NBPF15: variants seen among roughly 807,000 people sequenced by gnomAD.
NBPF15 encodes NBPF family member NBPF15.
NBPF15 carries 74 observed loss-of-function variants against 62.2 expected under a neutral mutation model. That is an observed-to-expected ratio of 1.19 (90% confidence interval 0.99 to 1.44). NBPF15 has a LOEUF of 1.44. Among genes scored for constraint, NBPF15 ranks in the 40% most tolerant of loss-of-function variants. The probability of loss-of-function intolerance (pLI) is 0.00; values close to 1 mark genes in which losing one functional copy is unlikely to be tolerated. For missense variants in NBPF15, 790 were observed against 550.0 expected (o/e 1.44, Z -4.36); for synonymous variants, 244 against 209.7 (o/e 1.16, Z -1.41).
In NBPF15 at chr1:144,461,327, A is replaced by G. The variant is rs61812047; in HGVS notation, c.-938+54T>C. The G allele has an allele frequency of 9.3e-4, 140 of 151,112 alleles. 4 individuals are homozygous for G. In the East Asian group the frequency reaches 0.011, roughly 12 times the overall value. 9.4% of individuals were successfully genotyped at this position (151,112 alleles called of 1,614,324 possible). On this transcript the variant is annotated intron_variant, in intron 1 of 21. Coordinates refer to ENST00000581897, the MANE Select transcript of NBPF15 (RefSeq NM_001385408.1). ...CTCGCCCTCCGTCGCTCGCAACAAA[A>G]CTTGCGACAGCCGCAGCTCGACCCA...
chr1:144,443,908 A>G (rs1479053025), intron 6 of NBPF15, among the ~76,000 whole-genome samples: 1 of 150,760 alleles, frequency 6.6e-6, no homozygotes, highest in Admixed American at 6.6e-5. Flanking sequence ...TTTGCAGTTC[A>G]TCAGCCTTTC....
At chr1:144,424,208 A>G (rs1158446960) in intron 20 of NBPF15, among the ~76,000 whole-genome samples, 1 of 152,050 alleles carries the variant, frequency 6.6e-6, no homozygotes, top group Non-Finnish European at 1.5e-5. Context: ...TCCCAATAAC[A>G]TTTGTCCCAA....
rs1653199743 is a variant in NBPF15 at position 144,461,639 on chromosome 1, C to T, written c.-1196G>A. On this transcript the variant is annotated 5_prime_UTR_variant, in exon 1 of 22. Coordinates refer to ENST00000581897, the MANE Select transcript of NBPF15 (RefSeq NM_001385408.1). The stretch of plus-strand genomic sequence containing the variant: ...CCATAGCCTGCGCCAGCTGGCTCCT[C>T]AGGGTCCCGCCCGGCGCGTCAGGAG... 1 of 152,456 alleles carries T rather than the reference C, an allele frequency of 6.6e-6. No homozygotes were observed. The highest frequency in any genetic ancestry group is 2.4e-5 in the African/African-American group (1 of 41,428). 9.4% of individuals were successfully genotyped at this position (152,456 alleles called of 1,614,324 possible).
chr1:144,428,571 C>T, intron 15 of NBPF15, 35 bp downstream of exon 15: 2 of 770,440 alleles, frequency 2.6e-6, no homozygotes, highest in Admixed American at 3.4e-5. Flanking sequence ...CAGGTGTCAA[C>T]ATCAAATTAA....
intron 13 of NBPF15, among the ~76,000 whole-genome samples, chr1:144,431,916 A>G (rs1674641476): frequency 6.8e-6 from 1 of 147,718 alleles, no homozygotes; most frequent in African/African-American, 2.5e-5. Flanking sequence ...GCTTGGTTCC[A>G]AGTCTTTGCT....
At position 144,442,172 on chromosome 1, in the gene NBPF15, AT is replaced by A. The variant is rs1473171522; in HGVS notation, c.-190-1878del. Among the ~76,000 whole-genome samples, 250 of 110,292 alleles carry A rather than the reference AT, an allele frequency of 2.3e-3. 21 individuals are homozygous for A. The highest frequency in any genetic ancestry group is 8.7e-3 in the African/African-American group (232 of 26,732). 72.4% of individuals were successfully genotyped at this position (110,292 alleles called of 152,430 possible). A position where few individuals can be genotyped will look rare whatever the true frequency, so the allele number is the denominator to read the frequency against. On this transcript the variant is annotated intron_variant, in intron 6 of 21. Coordinates refer to ENST00000581897, the MANE Select transcript of NBPF15 (RefSeq NM_001385408.1). The stretch of plus-strand genomic sequence containing the variant: ...AATATATATACACGTGTATATATAT[AT>A]ATATATAATATATATACACGTGTAT...
At chr1:144,429,266 A>C (rs1287720933) in intron 14 of NBPF15, among the ~76,000 whole-genome samples, 1 of 143,040 alleles carries the variant, frequency 7.0e-6, no homozygotes, top group Non-Finnish European at 1.5e-5. Context: ...TTCACTGAGA[A>C]GTAGACAAGG....
At chr1:144,442,456 C>G (rs868938820) in intron 6 of NBPF15, 1 of 146,762 alleles carries the variant, frequency 6.8e-6, no homozygotes, top group African/African-American at 2.5e-5. Context: ...AGTGGCGGAG[C>G]GAGGGCTACT....
intron 6 of NBPF15, among the ~76,000 whole-genome samples, chr1:144,447,532 G>C (rs1286524654): frequency 5.9e-5 from 9 of 151,858 alleles, no homozygotes; most frequent in Non-Finnish European, 1.3e-4. Context: ...AGGGGAGCCA[G>C]GGATGCATTC....
intron 4 of NBPF15, among the ~76,000 whole-genome samples, chr1:144,452,410 A>G (rs1244712695): frequency 1.3e-5 from 2 of 151,796 alleles, no homozygotes; most frequent in African/African-American, 4.9e-5. Flanking sequence ...AAACGAACAC[A>G]ATAGTCCACT....
intron 19 of NBPF15, among the ~76,000 whole-genome samples, chr1:144,425,115 CACAG>C (rs1166953157): frequency 9.5e-5 from 14 of 147,444 alleles, no homozygotes; most frequent in South Asian, 2.2e-4. Context: ...GACACACACA[CACAG>C]AGAGAGAGAA....
intron 4 of NBPF15, among the ~76,000 whole-genome samples, chr1:144,451,812 T>C (rs1691353569): frequency 6.6e-6 from 1 of 151,316 alleles, no homozygotes; most frequent in African/African-American, 2.5e-5. Flanking sequence ...CTCTTATGTC[T>C]ACTTCTTCCT....
intron 3 of NBPF15, among the ~76,000 whole-genome samples, chr1:144,458,822 T>C (rs1244584620): frequency 6.6e-6 from 1 of 151,716 alleles, no homozygotes; most frequent in Non-Finnish European, 1.5e-5. Context: ...GGAAGATTAC[T>C]TGAGCCCAAG....
intron 13 of NBPF15, among the ~76,000 whole-genome samples, chr1:144,432,117 A>G (rs369055459): frequency 6.6e-6 from 1 of 152,084 alleles, no homozygotes; most frequent in Non-Finnish European, 1.5e-5. Flanking sequence ...CAACAGTGTA[A>G]AAGTGTTCCT....
intron 19 of NBPF15, among the ~76,000 whole-genome samples, chr1:144,425,141 A>T: frequency 6.9e-6 from 1 of 144,870 alleles, no homozygotes; most frequent in Non-Finnish European, 1.5e-5. Context: ...GAGCTCAGTG[A>T]ATTGTCCAGG....
At chr1:144,428,052 C>G in intron 15 of NBPF15, 62 bp from the exon 16 acceptor site, 1 of 786,854 alleles carries the variant, frequency 1.3e-6, no homozygotes, top group Non-Finnish European at 2.3e-6. Flanking sequence ...ACAGTCCCAG[C>G]TAGATTTCAT....
Position 144,436,917 on chromosome 1 carries a change from G to T in NBPF15, c.471C>A (p.His157Gln), listed in dbSNP as rs1263748456. Residue 157 changes from histidine to glutamine, a missense_variant, in exon 10 of 22, where the codon CAC (histidine) becomes CAA (glutamine). His to Gln is a conservative substitution (Grantham distance 24). Coordinates refer to ENST00000581897, the MANE Select transcript of NBPF15 (RefSeq NM_001385408.1). ...QLAEGCRLTQHLVQKLSPEND... is the reference protein window; with the variant it reads ...QLAEGCRLTQQLVQKLSPEND... ...TACCTGGGCTGAGCTTTTGGACAAG[G>T]TGCTGTGTCAGTCTACACCCCTCAG... 3.7e-6 allele frequency: 6 copies of T among 1,612,136 alleles called. No individual in the cohort carries two copies. The highest frequency in any genetic ancestry group is 2.7e-5 in the African/African-American group (2 of 74,912).
At position 144,429,002 on chromosome 1, in the gene NBPF15, T is replaced by C. The variant is rs1448712221; in HGVS notation, c.989-345A>G. 2.6e-3 allele frequency among the ~76,000 whole-genome samples: 402 copies of C among 151,844 alleles called. 2 individuals carry two copies. The highest frequency in any genetic ancestry group is 9.4e-3 in the African/African-American group (387 of 41,176). ...ACTTCAATATTAAGCTTTCTCTCATTAAATACCCAGAATTTGATAGTTTAT... is the reference window on the plus strand; with the variant it reads ...ACTTCAATATTAAGCTTTCTCTCATCAAATACCCAGAATTTGATAGTTTAT... On this transcript the variant is annotated intron_variant, in intron 14 of 21. Coordinates refer to ENST00000581897, the MANE Select transcript of NBPF15 (RefSeq NM_001385408.1).
chr1:144,428,230 T>C (rs1553539695), intron 15 of NBPF15, among the ~76,000 whole-genome samples: 1 of 151,086 alleles, frequency 6.6e-6, no homozygotes, highest in African/African-American at 2.4e-5. Context: ...GCTCAGTGAA[T>C]TGGTCAGGTG....
Sources: gnomAD v4.1 joint callset for allele counts (sites outside exome capture counted in the v4.1 genomes callset) on GRCh38, gnomAD v4.1.1 for gene constraint, MANE v1.5 for transcripts, NCBI Gene and HGNC (gene_info 2026-07-23, HGNC 2026-07-21) for gene names.